TCF4: variants seen among roughly 807,000 people sequenced by gnomAD.
TCF4 encodes transcription factor 4, also known as SL3-3 enhancer factor 2.
TCF4 carries 3 observed loss-of-function variants against 82.1 expected under a neutral mutation model. The observed-to-expected ratio is 0.04, with a 90% confidence interval of 0.02 to 0.09. The LOEUF is 0.09. TCF4 is among the 10% of genes least tolerant of loss of function. The pLI, the probability that TCF4 is intolerant of heterozygous loss-of-function variation, is 1.00. For missense variants in TCF4, 518 were observed against 852.7 expected (o/e 0.61, Z 4.89); for synonymous variants, 276 against 309.6 (o/e 0.89, Z 1.14).
chr18:55,443,960 G>C (rs1028719976), intron 5 of TCF4, among the ~76,000 whole-genome samples: 7 of 152,162 alleles, frequency 4.6e-5, no homozygotes, highest in Non-Finnish European at 1.0e-4. Flanking sequence ...TCAACACAGA[G>C]ATGAGGAAAC....
At chr18:55,572,594 C>A (rs753760777) in intron 3 of TCF4, among the ~76,000 whole-genome samples, 2 of 152,146 alleles carry the variant, frequency 1.3e-5, no homozygotes, top group Non-Finnish European at 2.9e-5. Context: ...AGATAGAATA[C>A]CACATAAATT....
chr18:55,532,184 C>T (rs181231272), intron 3 of TCF4, among the ~76,000 whole-genome samples: 1 of 152,306 alleles, frequency 6.6e-6, no homozygotes, highest in East Asian at 1.9e-4. Flanking sequence ...AAAAAGGAAT[C>T]ACCTAGCTTG....
intron 8 of TCF4, among the ~76,000 whole-genome samples, chr18:55,288,376 G>A (rs1301101971): frequency 6.6e-6 from 1 of 152,182 alleles, no homozygotes; most frequent in African/African-American, 2.4e-5. Flanking sequence ...ATTGTTGCAT[G>A]ATCATCCCAA....
intron 6 of TCF4, among the ~76,000 whole-genome samples, chr18:55,378,041 CCTT>C (rs766834546): frequency 6.6e-6 from 1 of 151,894 alleles, no homozygotes; most frequent in Non-Finnish European, 1.5e-5. Flanking sequence ...GGTTTTAATA[CCTT>C]GTTTTCTTTT....
intron 8 of TCF4, among the ~76,000 whole-genome samples, chr18:55,317,327 T>C (rs1482806192): frequency 6.6e-6 from 1 of 152,070 alleles, no homozygotes; most frequent in Non-Finnish European, 1.5e-5. Flanking sequence ...TGCTGTGTAA[T>C]AGCAAGTAAA....
chr18:55,277,286 T>G (rs1199438204), intron 9 of TCF4, among the ~76,000 whole-genome samples: 1 of 152,128 alleles, frequency 6.6e-6, no homozygotes. Flanking sequence ...AAATGTCACC[T>G]TAAATTCAAA....
At chr18:55,630,677 T>C (rs2097730693) in intron 2 of TCF4, among the ~76,000 whole-genome samples, 1 of 152,234 alleles carries the variant, frequency 6.6e-6, no homozygotes, top group South Asian at 2.1e-4. Context: ...CTCTTTTCTT[T>C]TGGAGTTTAT....
intron 6 of TCF4, among the ~76,000 whole-genome samples, chr18:55,364,185 T>C (rs1333596504): frequency 6.6e-6 from 1 of 152,146 alleles, no homozygotes; most frequent in Non-Finnish European, 1.5e-5. Flanking sequence ...GACTTAGAAG[T>C]TTCAAGTTAA....
At chr18:55,397,866 T>C (rs1462181111) in intron 6 of TCF4, among the ~76,000 whole-genome samples, 1 of 152,180 alleles carries the variant, frequency 6.6e-6, no homozygotes, top group Non-Finnish European at 1.5e-5. Flanking sequence ...CTTATACATA[T>C]TATACATACA....
chr18:55,353,556 A>C (rs1254818882), intron 6 of TCF4, among the ~76,000 whole-genome samples: 1 of 152,144 alleles, frequency 6.6e-6, no homozygotes, highest in Non-Finnish European at 1.5e-5. Context: ...CTCACATTTA[A>C]GGGGGCCCTA....
intron 2 of TCF4, among the ~76,000 whole-genome samples, chr18:55,622,717 AT>A (rs1417734880): frequency 6.6e-6 from 1 of 152,160 alleles, no homozygotes; most frequent in Admixed American, 6.5e-5. Flanking sequence ...CAGATTTTCC[AT>A]CCAGATGCTC....
chr18:55,515,013 TATA>T (rs2096867383), intron 3 of TCF4, among the ~76,000 whole-genome samples: 2 of 152,236 alleles, frequency 1.3e-5, no homozygotes, highest in South Asian at 2.1e-4. Context: ...TATAAAGACC[TATA>T]ATATTACTTT....
Position 55,234,690 on chromosome 18 carries a change from G to T in TCF4, c.1351-7C>A. 1 of 1,614,092 alleles carries T rather than the reference G, an allele frequency of 6.2e-7. No individual in the cohort carries two copies. The highest frequency in any genetic ancestry group is 8.5e-7 in the Non-Finnish European group (1 of 1,179,998). On this transcript the variant is annotated splice_polypyrimidine_tract_variant and splice_region_variant and intron_variant, in intron 15 of 19. Transcript: ENST00000354452. ...CTTCACGATGGGTCCCCACCTGAAA[G>T]GGCGAGAGGAACCAGAGAGGTGAGC...
chr18:55,618,917 A>C (rs2147977686), intron 2 of TCF4, among the ~76,000 whole-genome samples: 1 of 152,100 alleles, frequency 6.6e-6, no homozygotes, highest in African/African-American at 2.4e-5. Context: ...TTTCTGGTCT[A>C]ATCTTTAAGG....
At chr18:55,609,930 C>G (rs950105265) in intron 2 of TCF4, among the ~76,000 whole-genome samples, 2 of 152,040 alleles carry the variant, frequency 1.3e-5, no homozygotes, top group African/African-American at 4.8e-5. Context: ...TTTTCTTTTT[C>G]TCAATAGCAC....
intron 8 of TCF4, among the ~76,000 whole-genome samples, chr18:55,349,628 T>G (rs1173285449): frequency 6.6e-6 from 1 of 152,014 alleles, no homozygotes; most frequent in African/African-American, 2.4e-5. Flanking sequence ...AGGAGAAAAT[T>G]ACTAGAAATG....
chr18:55,412,557 G>A (rs1174564282), intron 5 of TCF4, among the ~76,000 whole-genome samples: 1 of 152,058 alleles, frequency 6.6e-6, no homozygotes, highest in Admixed American at 6.5e-5. Context: ...TAGTGAACCT[G>A]ACCTGGTTCG....
At chr18:55,390,304 A>G (rs1036467834) in intron 6 of TCF4, among the ~76,000 whole-genome samples, 1 of 150,308 alleles carries the variant, frequency 6.7e-6, no homozygotes, top group Non-Finnish European at 1.5e-5. Context: ...AAAAAAAAAA[A>G]AAAAAAGAAA....
chr18:55,395,382 A>G (rs923627072), intron 6 of TCF4, among the ~76,000 whole-genome samples: 2 of 152,254 alleles, frequency 1.3e-5, no homozygotes, highest in African/African-American at 4.8e-5. Flanking sequence ...AAAACGCTTA[A>G]TGGTTTTCAT....
Sources: gnomAD v4.1 joint callset for allele counts (sites outside exome capture counted in the v4.1 genomes callset) on GRCh38, gnomAD v4.1.1 for gene constraint, MANE v1.5 for transcripts, NCBI Gene and HGNC (gene_info 2026-07-23, HGNC 2026-07-21) for gene names.